FIGN: variants seen among roughly 807,000 people sequenced by gnomAD.
The protein encoded by FIGN is fidgetin, microtubule severing factor.
In FIGN, 11 loss-of-function variants were observed where a neutral mutation model predicts 51.3. The observed-to-expected ratio is 0.21, with a 90% confidence interval of 0.13 to 0.35. The LOEUF (loss-of-function observed/expected upper bound fraction) is 0.35, where lower values mean the gene tolerates loss of function less well. Ranked by LOEUF, FIGN falls within the 10% of genes least tolerant of loss-of-function variation. The pLI, the probability that FIGN is intolerant of heterozygous loss-of-function variation, is 1.00. For synonymous variants in FIGN, 407 were observed against 363.2 expected (o/e 1.12, Z -1.37); for missense variants, 857 against 943.6 (o/e 0.91, Z 1.20).
Position 163,734,898 on chromosome 2 carries a change from CA to C in FIGN, c.25+4del. On this transcript the variant is annotated splice_donor_region_variant and intron_variant, in intron 2 of 2. Transcript: ENST00000333129. ...CAAAGGAAGTAAATTCCAAAACTGA[CA>C]TACCATAAACACTGGTGCTACTGAT... The C allele has an allele frequency of 1.2e-6, 2 of 1,606,440 alleles. No homozygotes were observed. The highest frequency in any genetic ancestry group is 1.7e-6 in the Non-Finnish European group (2 of 1,177,040).
rs1248696606 is a variant in FIGN at position 163,608,125 on chromosome 2, A to G, written c.*1427T>C. 1 of 152,630 alleles carries G rather than the reference A, an allele frequency of 6.6e-6. No homozygotes were observed. The highest frequency in any genetic ancestry group is 1.5e-5 in the Non-Finnish European group (1 of 68,032). The allele number at this position is 152,630 out of a possible 1,614,324, so 9.5% of individuals were successfully genotyped here. A position where few individuals can be genotyped will look rare whatever the true frequency, so the allele number is the denominator to read the frequency against. ...TTCCAATTTTCTACTTTACTTTCCA[A>G]GAGAAATGTAACAAAACTGAGGTAG... On this transcript the variant is annotated 3_prime_UTR_variant, in exon 3 of 3. Coordinates refer to ENST00000333129, the MANE Select transcript of FIGN (RefSeq NM_018086.4).
At position 163,629,952 on chromosome 2, in the gene FIGN, CTTTTTTTT is replaced by C. The variant is rs71297448; in HGVS notation, c.26-18154_26-18147del. 2.8e-3 allele frequency among the ~76,000 whole-genome samples: 161 copies of C among 56,920 alleles called. 3 individuals carry two copies. In the East Asian group the frequency reaches 0.037, roughly 13 times the overall value. The allele number at this position is 56,920 out of a possible 152,430, so 37.3% of individuals were successfully genotyped here. A position where few individuals can be genotyped will look rare whatever the true frequency, so the allele number is the denominator to read the frequency against. ...CCAACATAGGGTGAAGAAAGGGGCA[CTTTTTTTT>C]TTTTTTTTTTTTTTTTTTTTTTGAC... On this transcript the variant is annotated intron_variant, in intron 2 of 2. Coordinates refer to ENST00000333129, the MANE Select transcript of FIGN (RefSeq NM_018086.4).
At chr2:163,611,925 A>C in intron 2 of FIGN, 119 bp from the exon 3 acceptor site, 4 of 530,250 alleles carry the variant, frequency 7.5e-6, no homozygotes, top group East Asian at 3.4e-5. Flanking sequence ...CATACTTTAA[A>C]AGATCTACAC....
intron 2 of FIGN, among the ~76,000 whole-genome samples, chr2:163,643,939 A>C (rs868211523): frequency 7.7e-5 from 11 of 142,000 alleles, no homozygotes. Context: ...TCTCAAAAAA[A>C]AAAAAAAAAA....
intron 2 of FIGN, among the ~76,000 whole-genome samples, chr2:163,712,792 T>G (rs1036785005): frequency 1.3e-5 from 2 of 152,202 alleles, no homozygotes; most frequent in African/African-American, 4.8e-5. Flanking sequence ...TTTATTTTTA[T>G]TAACACAAAC....
chr2:163,612,721 T>TGTGTG, intron 2 of FIGN: 3 of 289,764 alleles, frequency 1.0e-5, no homozygotes, highest in African/African-American at 2.3e-5. Context: ...TGTGTGTGTA[T>TGTGTG]TTATACACAT....
intron 2 of FIGN, among the ~76,000 whole-genome samples, chr2:163,621,090 GAC>G (rs2105305490): frequency 6.6e-6 from 1 of 152,124 alleles, no homozygotes; most frequent in African/African-American, 2.4e-5. Context: ...GTTTACATAA[GAC>G]AAAATAGATA....
chr2:163,614,680 A>G (rs1336045927), intron 2 of FIGN, among the ~76,000 whole-genome samples: 1 of 152,166 alleles, frequency 6.6e-6, no homozygotes, highest in Non-Finnish European at 1.5e-5. Context: ...CAACACACAC[A>G]CATACGTACG....
At chr2:163,655,619 T>C (rs1049182803) in intron 2 of FIGN, among the ~76,000 whole-genome samples, 4 of 152,252 alleles carry the variant, frequency 2.6e-5, no homozygotes, top group Admixed American at 2.6e-4. Flanking sequence ...TTTTCATACA[T>C]CATATTGGAA....
At chr2:163,679,482 C>A (rs1002139867) in intron 2 of FIGN, among the ~76,000 whole-genome samples, 1 of 144,034 alleles carries the variant, frequency 6.9e-6, no homozygotes, top group Non-Finnish European at 1.5e-5. Context: ...GGCGACACTG[C>A]GAGACTCCGT....
intron 2 of FIGN, among the ~76,000 whole-genome samples, chr2:163,650,550 C>T (rs1033571255): frequency 1.3e-5 from 2 of 150,518 alleles, no homozygotes; most frequent in African/African-American, 4.9e-5. Context: ...CAGCCCCCAA[C>T]CCCCAACAGG....
At position 163,652,361 on chromosome 2, in the gene FIGN, A is replaced by ACACACACACAC. The variant is rs776188112; in HGVS notation, c.26-40556_26-40555insGTGTGTGTGTG. ...ATTAACCAACACACACACACACACA[A>ACACACACACAC]ACACACACACACACACACACACACA... is the stretch of plus-strand genomic sequence containing the variant. On this transcript the variant is annotated intron_variant, in intron 2 of 2. Transcript: ENST00000333129. Among the ~76,000 whole-genome samples, 181 of 139,446 alleles carry ACACACACACAC rather than the reference A, an allele frequency of 1.3e-3. 1 individual carries two copies. Among genetic ancestry groups the ACACACACACAC allele is most frequent in the African/African-American group, 4.8e-3 (175 of 36,090 alleles). The allele number at this position is 139,446 out of a possible 152,430, so 91.5% of individuals were successfully genotyped here.
intron 2 of FIGN, among the ~76,000 whole-genome samples, chr2:163,679,784 T>C (rs1684030699): frequency 6.6e-6 from 1 of 152,212 alleles, no homozygotes; most frequent in South Asian, 2.1e-4. Context: ...ATATGCTAAT[T>C]GTCCTCTATA....
Position 163,681,201 on chromosome 2 carries a change from T to G in FIGN, c.25+53702A>C, listed in dbSNP as rs185902134. 3.4e-3 allele frequency among the ~76,000 whole-genome samples: 514 copies of G among 152,294 alleles called. 3 individuals are homozygous for G. The highest frequency in any genetic ancestry group is 0.012 in the African/African-American group (502 of 41,560). ...AATAGTTGTTGAATGAACAAATACC[T>G]GAATGTGAGTGAATGAATGGAAAGA... On this transcript the variant is annotated intron_variant, in intron 2 of 2. Transcript: ENST00000333129.
chr2:163,712,959 TGACA>T (rs1319993998), intron 2 of FIGN, among the ~76,000 whole-genome samples: 2 of 152,212 alleles, frequency 1.3e-5, no homozygotes, highest in African/African-American at 4.8e-5. Context: ...TTTCACCTCA[TGACA>T]GACAAACACC....
intron 2 of FIGN, among the ~76,000 whole-genome samples, chr2:163,659,212 G>A (rs1257881137): frequency 6.6e-6 from 1 of 152,068 alleles, no homozygotes; most frequent in African/African-American, 2.4e-5. Context: ...TGAAAAACAA[G>A]ATGATGAAAA....
rs574569010 is a variant in FIGN at position 163,605,947 on chromosome 2, T to A, written c.*3605A>T. 3 of 151,950 alleles carry A rather than the reference T, an allele frequency of 2.0e-5. No individual in the cohort carries two copies. The highest frequency in any genetic ancestry group is 4.4e-5 in the Non-Finnish European group (3 of 67,956). The allele number at this position is 151,950 out of a possible 1,614,324, so 9.4% of individuals were successfully genotyped here. A position where few individuals can be genotyped will look rare whatever the true frequency, so the allele number is the denominator to read the frequency against. On this transcript the variant is annotated 3_prime_UTR_variant, in exon 3 of 3. Coordinates refer to ENST00000333129, the MANE Select transcript of FIGN (RefSeq NM_018086.4). The stretch of plus-strand genomic sequence containing the variant: ...TTTTGAAAACTGCATAGCCAAGTAC[T>A]ATGCAACCCATGTAAATTGACCTTG...
At chr2:163,636,599 A>G (rs1280595411) in intron 2 of FIGN, among the ~76,000 whole-genome samples, 1 of 152,180 alleles carries the variant, frequency 6.6e-6, no homozygotes, top group Non-Finnish European at 1.5e-5. Context: ...TGGTGATATT[A>G]TAATGAAGAT....
intron 2 of FIGN, among the ~76,000 whole-genome samples, chr2:163,656,317 A>G (rs892496384): frequency 6.6e-6 from 1 of 152,116 alleles, no homozygotes; most frequent in South Asian, 2.1e-4. Context: ...GCTTTAAGGG[A>G]GGCATTGTGA....
Sources: gnomAD v4.1 joint callset for allele counts (sites outside exome capture counted in the v4.1 genomes callset) on GRCh38, gnomAD v4.1.1 for gene constraint, MANE v1.5 for transcripts, NCBI Gene and HGNC (gene_info 2026-07-23, HGNC 2026-07-21) for gene names.